SHTN1: variants seen among roughly 807,000 people sequenced by gnomAD.
SHTN1 encodes the protein shootin 1.
Under a neutral mutation model 83.1 loss-of-function variants are expected in SHTN1, and 42 were observed. The ratio of observed to expected loss-of-function variants is 0.51; its 90% CI spans 0.39 to 0.65. The LOEUF is 0.65. Among genes scored for constraint, SHTN1 ranks in the 30% least tolerant of loss-of-function variants. The pLI, the probability that SHTN1 is intolerant of heterozygous loss-of-function variation, is 0.00. For synonymous variants in SHTN1, 224 were observed against 247.7 expected, an observed-to-expected ratio of 0.90 and a Z score of 0.90; for missense variants, 622 against 737.8, an observed-to-expected ratio of 0.84 and a Z score of 1.82.
intron 4 of SHTN1, among the ~76,000 whole-genome samples, chr10:116,954,567 G>C (rs2133427939): frequency 6.6e-6 from 1 of 152,280 alleles, no homozygotes; most frequent in East Asian, 1.9e-4. Flanking sequence ...CTGTGGTGCT[G>C]AGAACACCTT....
intron 1 of SHTN1, among the ~76,000 whole-genome samples, chr10:117,107,716 C>T (rs191710379): frequency 6.6e-6 from 1 of 152,252 alleles, no homozygotes; most frequent in East Asian, 1.9e-4. Context: ...ACTGGACTAA[C>T]CAAACAACAA....
intron 13 of SHTN1, among the ~76,000 whole-genome samples, chr10:116,913,721 C>T (rs1044752803): frequency 6.6e-6 from 1 of 152,150 alleles, no homozygotes; most frequent in African/African-American, 2.4e-5. Context: ...TCAAAGGTGG[C>T]ACTCAGACCT....
chr10:117,114,251 G>A (rs1477865959), intron 1 of SHTN1, among the ~76,000 whole-genome samples: 1 of 152,058 alleles, frequency 6.6e-6, no homozygotes, highest in Non-Finnish European at 1.5e-5. Context: ...TGGTAGAATC[G>A]AGATTCAAAC....
intron 6 of SHTN1, 29 bp downstream of exon 6, chr10:116,951,880 C>A (rs1259476299): frequency 7.8e-7 from 1 of 1,286,502 alleles, no homozygotes; most frequent in Non-Finnish European, 1.1e-6. Context: ...AATGCTAAAG[C>A]CCTTGCCTTT....
chr10:116,962,961 AAAGTC>A (rs1314364228), intron 3 of SHTN1, among the ~76,000 whole-genome samples: 2 of 151,516 alleles, frequency 1.3e-5, no homozygotes, highest in African/African-American at 2.4e-5. Context: ...TCCAAAACCA[AAAGTC>A]AAGTCACATG....
chr10:116,890,917 T>C (rs990149958), intron 16 of SHTN1, among the ~76,000 whole-genome samples: 1 of 152,270 alleles, frequency 6.6e-6, no homozygotes, highest in African/African-American at 2.4e-5. Context: ...AAAAAGGACA[T>C]CGTTTGCATT....
In SHTN1 at chr10:116,886,150, A is replaced by T; in HGVS notation, c.*194T>A. The T allele has an allele frequency of 1.3e-6, 1 of 755,626 alleles. No homozygotes were observed. Among genetic ancestry groups the T allele is most frequent in the Non-Finnish European group, 2.1e-6 (1 of 486,418 alleles). 46.8% of individuals were successfully genotyped at this position (755,626 alleles called of 1,614,324 possible). On this transcript the variant is annotated 3_prime_UTR_variant, in exon 17 of 17. Coordinates refer to ENST00000355371, the MANE Select transcript of SHTN1 (RefSeq NM_001127211.3). Reference sequence around the variant, plus strand: ...TATAAAGATCAAAAAACCAAAACCTACTAGGAATGTGTGTTTTGCTAAACA... The same window carrying T: ...TATAAAGATCAAAAAACCAAAACCTTCTAGGAATGTGTGTTTTGCTAAACA...
chr10:116,937,952 T>C (rs760996803), intron 9 of SHTN1, among the ~76,000 whole-genome samples: 3 of 151,558 alleles, frequency 2.0e-5, no homozygotes, highest in Admixed American at 6.6e-5. Context: ...GCTTGATCGA[T>C]TCGGCTATTG....
chr10:116,971,498 G>A (rs1042065656), intron 2 of SHTN1, among the ~76,000 whole-genome samples: 2 of 152,000 alleles, frequency 1.3e-5, no homozygotes, highest in African/African-American at 2.4e-5. Flanking sequence ...TTAATGATAG[G>A]AGACTTCTGG....
chr10:117,040,995 C>T (rs973523342), intron 2 of SHTN1, among the ~76,000 whole-genome samples: 7 of 151,828 alleles, frequency 4.6e-5, no homozygotes, highest in African/African-American at 9.7e-5. Context: ...ATATGCACAA[C>T]GTGCAGGTTA....
intron 3 of SHTN1, among the ~76,000 whole-genome samples, chr10:116,960,646 A>G (rs1441344353): frequency 6.6e-6 from 1 of 152,228 alleles, no homozygotes. Flanking sequence ...AAGAAAAATT[A>G]ACAAAAAATA....
intron 14 of SHTN1, among the ~76,000 whole-genome samples, chr10:116,910,842 C>T (rs2133345307): frequency 6.6e-6 from 1 of 152,300 alleles, no homozygotes; most frequent in Non-Finnish European, 1.5e-5. Context: ...CACTGTTAGC[C>T]AGTGATATAC....
chr10:117,070,870 A>G (rs1853070257), intron 1 of SHTN1, among the ~76,000 whole-genome samples: 1 of 151,956 alleles, frequency 6.6e-6, no homozygotes, highest in South Asian at 2.1e-4. Flanking sequence ...CTCAGGGGGC[A>G]TTAAACCCAG....
At chr10:116,920,170 CA>C (rs1290322408) in intron 12 of SHTN1, among the ~76,000 whole-genome samples, 1 of 152,110 alleles carries the variant, frequency 6.6e-6, no homozygotes, top group Non-Finnish European at 1.5e-5. Flanking sequence ...TTTATACTAA[CA>C]AAATACGATA....
chr10:116,928,711 C>T (rs989614801), intron 10 of SHTN1, among the ~76,000 whole-genome samples: 1 of 152,238 alleles, frequency 6.6e-6, no homozygotes, highest in South Asian at 2.1e-4. Flanking sequence ...ACCCTCAACA[C>T]TTAAATAGGC....
intron 1 of SHTN1, among the ~76,000 whole-genome samples, chr10:117,084,113 G>A (rs1025715736): frequency 4.6e-5 from 7 of 152,188 alleles, no homozygotes; most frequent in Admixed American, 2.0e-4. Flanking sequence ...TGGAGGAGGA[G>A]AGGCGCTCTT....
intron 1 of SHTN1, among the ~76,000 whole-genome samples, chr10:117,075,579 T>C (rs909060842): frequency 6.6e-6 from 1 of 152,170 alleles, no homozygotes; most frequent in Admixed American, 6.5e-5. Context: ...TAGTGTGATA[T>C]GCATTATGGT....
intron 1 of SHTN1, among the ~76,000 whole-genome samples, chr10:117,113,034 TG>T (rs1232731746): frequency 6.6e-6 from 1 of 152,234 alleles, no homozygotes; most frequent in African/African-American, 2.4e-5. Flanking sequence ...ATTGGTCTAA[TG>T]TCAGACAGGC....
At chr10:117,101,863 C>T (rs1853599000) in intron 1 of SHTN1, among the ~76,000 whole-genome samples, 1 of 152,074 alleles carries the variant, frequency 6.6e-6, no homozygotes, top group South Asian at 2.1e-4. Context: ...AAGGTTCCTT[C>T]CAACATGAGA....
Sources: gnomAD v4.1 joint callset for allele counts (sites outside exome capture counted in the v4.1 genomes callset) on GRCh38, gnomAD v4.1.1 for gene constraint, MANE v1.5 for transcripts, NCBI Gene and HGNC (gene_info 2026-07-23, HGNC 2026-07-21) for gene names.